Variants in ZNF804B observed in about 807,000 individuals in gnomAD.
The protein encoded by ZNF804B is zinc finger protein 804B, also known as zinc finger 804B.
In ZNF804B, 80 loss-of-function variants were observed where a neutral mutation model predicts 101.4. That is an observed-to-expected ratio of 0.79 (90% CI 0.66 to 0.95). The LOEUF (loss-of-function observed/expected upper bound fraction) is 0.95, where lower values mean the gene tolerates loss of function less well. Among genes scored for constraint, ZNF804B ranks in the 40% least tolerant of loss-of-function variants. ZNF804B has a pLI of 0.00. For synonymous variants in ZNF804B, 622 were observed against 558.8 expected (o/e 1.11, Z -1.59); for missense variants, 1,673 against 1,561.9 (o/e 1.07, Z -1.20).
At chr7:89,157,121 T>C (rs1192836221) in intron 1 of ZNF804B, among the ~76,000 whole-genome samples, 2 of 152,176 alleles carry the variant, frequency 1.3e-5, no homozygotes, top group Non-Finnish European at 2.9e-5. Flanking sequence ...AAGTCAGCAG[T>C]AAAATAAGAT....
At chr7:89,105,329 A>T (rs1216904064) in intron 1 of ZNF804B, among the ~76,000 whole-genome samples, 5 of 152,054 alleles carry the variant, frequency 3.3e-5, no homozygotes, top group Admixed American at 3.3e-4. Flanking sequence ...GCATTTCCTC[A>T]TGCATCCAAT....
chr7:88,802,344 C>A (rs1292602361), intron 1 of ZNF804B, among the ~76,000 whole-genome samples: 4 of 152,058 alleles, frequency 2.6e-5, no homozygotes, highest in African/African-American at 9.7e-5. Context: ...GAAACTGGGT[C>A]CTAGAAGCTA....
At chr7:89,183,952 A>T (rs1022898965) in intron 1 of ZNF804B, among the ~76,000 whole-genome samples, 3 of 152,144 alleles carry the variant, frequency 2.0e-5, no homozygotes, top group African/African-American at 7.2e-5. Flanking sequence ...CCTTTTTATA[A>T]GCTGATGTCA....
At chr7:88,816,953 T>C (rs1429092466) in intron 1 of ZNF804B, among the ~76,000 whole-genome samples, 3 of 148,688 alleles carry the variant, frequency 2.0e-5, no homozygotes, top group African/African-American at 2.5e-5. Context: ...TGTGGCACTA[T>C]TGACAATAGC....
chr7:89,029,972 C>A (rs1788804972), intron 1 of ZNF804B, among the ~76,000 whole-genome samples: 1 of 152,034 alleles, frequency 6.6e-6, no homozygotes, highest in South Asian at 2.1e-4. Context: ...ATTTTGGGAA[C>A]AAAACAACTA....
At chr7:88,854,752 C>T (rs1791529898) in intron 1 of ZNF804B, among the ~76,000 whole-genome samples, 1 of 106,934 alleles carries the variant, frequency 9.4e-6, no homozygotes, top group Non-Finnish European at 1.8e-5. Context: ...TATCCCTCCC[C>T]CCTCCCCCGA....
At chr7:89,066,761 TG>T (rs1789461066) in intron 1 of ZNF804B, among the ~76,000 whole-genome samples, 1 of 152,056 alleles carries the variant, frequency 6.6e-6, no homozygotes, top group East Asian at 1.9e-4. Flanking sequence ...TTATTTGTTT[TG>T]TTTTGTTTTG....
At chr7:89,039,579 TG>T (rs1788983786) in intron 1 of ZNF804B, among the ~76,000 whole-genome samples, 1 of 152,034 alleles carries the variant, frequency 6.6e-6, no homozygotes, top group Admixed American at 6.6e-5. Flanking sequence ...CAGTTTTTTT[TG>T]GTGGAAATTT....
At chr7:88,925,100 A>G (rs757044749) in intron 1 of ZNF804B, among the ~76,000 whole-genome samples, 2 of 152,158 alleles carry the variant, frequency 1.3e-5, no homozygotes, top group African/African-American at 2.4e-5. Context: ...TCAAATACCT[A>G]TCAGTGGACT....
At chr7:89,041,609 C>T (rs928306180) in intron 1 of ZNF804B, among the ~76,000 whole-genome samples, 3 of 152,192 alleles carry the variant, frequency 2.0e-5, no homozygotes, top group Non-Finnish European at 4.4e-5. Flanking sequence ...GGGGCCTTGC[C>T]TAACACTGGG....
intron 1 of ZNF804B, among the ~76,000 whole-genome samples, chr7:88,982,137 C>G (rs376871096): frequency 1.3e-5 from 2 of 151,922 alleles, no homozygotes; most frequent in East Asian, 3.9e-4. Context: ...TGTGAGGCCT[C>G]TAGCTGCAAC....
Position 89,027,944 on chromosome 7 carries a change from G to C in ZNF804B, c.109-190211G>C, listed in dbSNP as rs140085582. On this transcript the variant is annotated intron_variant, in intron 1 of 3. Transcript: ENST00000333190. ...CTTGTTTGCCTTTTCTGCAGACAAA[G>C]AAGGCTGTACTGGAATGTCAGTTTG... Among the ~76,000 whole-genome samples the C allele has an allele frequency of 1.3e-3, 204 of 152,254 alleles. 2 individuals are homozygous for C. Among genetic ancestry groups the C allele is most frequent in the Non-Finnish European group, 2.4e-3 (165 of 68,024 alleles).
intron 2 of ZNF804B, among the ~76,000 whole-genome samples, chr7:89,247,004 T>C (rs552299078): frequency 4.9e-4 from 74 of 152,228 alleles, no homozygotes; most frequent in Admixed American, 1.1e-3. Flanking sequence ...GAGATCTTGG[T>C]GCAGGGGGCT....
chr7:89,228,726 G>A (rs1262546309), intron 2 of ZNF804B, among the ~76,000 whole-genome samples: 1 of 152,208 alleles, frequency 6.6e-6, no homozygotes, highest in Non-Finnish European at 1.5e-5. Flanking sequence ...CCACACCGGG[G>A]TGCAGGTGGA....
intron 1 of ZNF804B, among the ~76,000 whole-genome samples, chr7:89,191,964 A>G (rs1351736789): frequency 6.6e-6 from 1 of 152,102 alleles, no homozygotes; most frequent in Non-Finnish European, 1.5e-5. Context: ...CATTTTTTGA[A>G]TGAAATAAGA....
At chr7:89,060,051 G>T (rs1224033913) in intron 1 of ZNF804B, among the ~76,000 whole-genome samples, 2 of 152,224 alleles carry the variant, frequency 1.3e-5, no homozygotes, top group South Asian at 2.1e-4. Context: ...CAGGCTTTCA[G>T]AGCCCTCTGA....
intron 1 of ZNF804B, among the ~76,000 whole-genome samples, chr7:88,769,650 A>G (rs1454311042): frequency 1.3e-5 from 2 of 152,208 alleles, no homozygotes; most frequent in African/African-American, 2.4e-5. Flanking sequence ...ACATAAGAAG[A>G]AGGAAAAATA....
Position 89,000,418 on chromosome 7 carries a change from G to T in ZNF804B, c.109-217737G>T, listed in dbSNP as rs192977678. ...TAATTTGGTTATTTCAGTACATCAG[G>T]TGTTTACTTATTCATTTTAACTGTT... On this transcript the variant is annotated intron_variant, in intron 1 of 3. Transcript: ENST00000333190. Among the ~76,000 whole-genome samples, 24 of 151,976 alleles carry T rather than the reference G, an allele frequency of 1.6e-4. 1 individual carries two copies. In the East Asian group the frequency reaches 4.3e-3, roughly 27 times the overall value.
chr7:89,132,699 T>A (rs1790572354), intron 1 of ZNF804B, among the ~76,000 whole-genome samples: 1 of 152,064 alleles, frequency 6.6e-6, no homozygotes, highest in Non-Finnish European at 1.5e-5. Context: ...CTAGAAAGCA[T>A]CCAACAATAT....
Sources: gnomAD v4.1 joint callset for allele counts (sites outside exome capture counted in the v4.1 genomes callset) on GRCh38, gnomAD v4.1.1 for gene constraint, MANE v1.5 for transcripts, NCBI Gene and HGNC (gene_info 2026-07-23, HGNC 2026-07-21) for gene names.